Variants in NF1 observed in about 807,000 individuals in gnomAD.
NF1 encodes neurofibromin 1.
In NF1, 122 loss-of-function variants were observed where a neutral mutation model predicts 325.7. The ratio of observed to expected loss-of-function variants is 0.37; its 90% CI spans 0.32 to 0.44. The LOEUF (loss-of-function observed/expected upper bound fraction) is 0.44. NF1 is among the 20% of genes least tolerant of loss of function. NF1 has a pLI of 1.00. For missense variants in NF1, 2,140 were observed against 3,415.4 expected (o/e 0.63, Z 9.31); for synonymous variants, 1,091 against 1,186.0 (o/e 0.92, Z 1.65).
intron 35 of NF1, among the ~76,000 whole-genome samples, chr17:31,262,158 A>G (rs1597749367): frequency 6.6e-6 from 1 of 152,342 alleles, no homozygotes; most frequent in East Asian, 1.9e-4. Flanking sequence ...ATAGTTAAGG[A>G]AAATGCAACT....
intron 8 of NF1, among the ~76,000 whole-genome samples, chr17:31,196,360 G>T (rs1232869346): frequency 1.3e-5 from 2 of 151,976 alleles, no homozygotes; most frequent in Admixed American, 1.3e-4. Context: ...TAAAAAAACT[G>T]TAAAGTATTT....
At chr17:31,320,903 C>T (rs1185846496) in intron 36 of NF1, 3 of 159,300 alleles carry the variant, frequency 1.9e-5, no homozygotes, top group Non-Finnish European at 4.2e-5. Context: ...CACATTAGTT[C>T]ATTAACAGTG....
At chr17:31,218,054 T>A (rs578220241) in intron 13 of NF1, among the ~76,000 whole-genome samples, 2 of 152,320 alleles carry the variant, frequency 1.3e-5, no homozygotes, top group Admixed American at 1.3e-4. Context: ...TATCTGCCGA[T>A]GCAAATTCTA....
At chr17:31,228,805 T>C (rs1471396448) in intron 20 of NF1, among the ~76,000 whole-genome samples, 5 of 152,218 alleles carry the variant, frequency 3.3e-5, no homozygotes, top group African/African-American at 1.2e-4. Context: ...ATCAAAACTT[T>C]TTAAAAGAAA....
At chr17:31,251,369 G>A (rs1007572317) in intron 30 of NF1, 2 of 203,158 alleles carry the variant, frequency 9.8e-6, no homozygotes, top group Admixed American at 6.0e-5. Flanking sequence ...TCATATCTTG[G>A]CCTTTAAGCC....
chr17:31,285,069 A>G (rs1253667202), intron 36 of NF1, among the ~76,000 whole-genome samples: 3 of 152,094 alleles, frequency 2.0e-5, no homozygotes, highest in Non-Finnish European at 4.4e-5. Context: ...CAGTGAGCCA[A>G]GATAATGCCA....
chr17:31,312,107 A>G (rs528659582), intron 36 of NF1, among the ~76,000 whole-genome samples: 2 of 152,198 alleles, frequency 1.3e-5, no homozygotes, highest in South Asian at 2.1e-4. Flanking sequence ...ATGTTTCTCA[A>G]TTCAAACTTA....
chr17:31,226,288 A>G, intron 17 of NF1, 147 bp from the exon 18 acceptor site: 1 of 1,125,224 alleles, frequency 8.9e-7, no homozygotes, highest in Non-Finnish European at 1.2e-6. Context: ...TGATTAAAGG[A>G]AAAAGCTCTT....
At chr17:31,219,266 A>G in intron 14 of NF1, 148 bp downstream of exon 14, 3 of 758,772 alleles carry the variant, frequency 4.0e-6, no homozygotes, top group Non-Finnish European at 6.3e-6. Context: ...GTTTTATAAA[A>G]CTCCATGGAG....
chr17:31,195,565 C>T (rs2066421211), intron 8 of NF1, among the ~76,000 whole-genome samples: 1 of 152,096 alleles, frequency 6.6e-6, no homozygotes, highest in South Asian at 2.1e-4. Context: ...GGCAACCGTC[C>T]TTTTACTTTC....
chr17:31,256,612 C>G (rs1343220896), intron 31 of NF1, among the ~76,000 whole-genome samples: 6 of 152,172 alleles, frequency 3.9e-5, no homozygotes, highest in African/African-American at 1.4e-4. Context: ...AGGTTCAACA[C>G]CGTACTGGAA....
intron 5 of NF1, among the ~76,000 whole-genome samples, chr17:31,178,836 C>A (rs1470734377): frequency 6.6e-6 from 1 of 152,076 alleles, no homozygotes. Flanking sequence ...ATATATGCAC[C>A]CAATACAGGA....
At chr17:31,140,583 G>T (rs1415870328) in intron 1 of NF1, among the ~76,000 whole-genome samples, 1 of 152,152 alleles carries the variant, frequency 6.6e-6, no homozygotes, top group East Asian at 1.9e-4. Flanking sequence ...TATAGCTAGG[G>T]CAAGTCCCCC....
At chr17:31,263,129 TAAGATAAGATA>T (rs2067722724) in intron 35 of NF1, among the ~76,000 whole-genome samples, 1 of 100,908 alleles carries the variant, frequency 9.9e-6, no homozygotes, top group Non-Finnish European at 2.5e-5. Flanking sequence ...ATAGATAAGA[TAAGATAAGATA>T]AGATAGATAA....
chr17:31,175,962 G>A (rs1162419013), intron 5 of NF1, among the ~76,000 whole-genome samples: 1 of 152,178 alleles, frequency 6.6e-6, no homozygotes, highest in East Asian at 1.9e-4. Context: ...TTGCTGTTGT[G>A]AACAGTGCTG....
Position 31,181,801 on chromosome 17 carries a change from A to ATTTTTTTTTTTTTTTTTTTTT in NF1, c.730+32_730+33insTTTTTTTTTTTTTTTTTTTTT, listed in dbSNP as rs71142032. ...GATATGGCTGGTAAGGATACGATTG[A>ATTTTTTTTTTTTTTTTTTTTT]TTTTTTTTTTTTTTTTGTCTTTTAA... On this transcript the variant is annotated intron_variant, in intron 7 of 57. Coordinates refer to ENST00000358273, the MANE Select transcript of NF1 (RefSeq NM_001042492.3). 29 of 1,218,956 alleles carry ATTTTTTTTTTTTTTTTTTTTT rather than the reference A, an allele frequency of 2.4e-5. No individual in the cohort carries two copies. Among genetic ancestry groups the ATTTTTTTTTTTTTTTTTTTTT allele is most frequent in the Non-Finnish European group, 2.2e-5 (19 of 853,292 alleles). 75.5% of individuals were successfully genotyped at this position (1,218,956 alleles called of 1,614,324 possible). A position where few individuals can be genotyped will look rare whatever the true frequency, so the allele number is the denominator to read the frequency against.
chr17:31,095,468 C>G, intron 1 of NF1, 99 bp downstream of exon 1: 1 of 1,216,364 alleles, frequency 8.2e-7, no homozygotes. Flanking sequence ...GCGGCTGCCT[C>G]AGGCTCTGGA....
At chr17:31,339,438 C>A (rs764713247) in intron 46 of NF1, among the ~76,000 whole-genome samples, 3 of 152,038 alleles carry the variant, frequency 2.0e-5, no homozygotes, top group African/African-American at 7.2e-5. Flanking sequence ...GAAAAAGATT[C>A]GATAATGGCA....
intron 46 of NF1, 100 bp downstream of exon 46, chr17:31,338,905 G>A: frequency 1.2e-6 from 1 of 823,194 alleles, no homozygotes; most frequent in Admixed American, 2.0e-5. Context: ...TTGAGAATAA[G>A]TTATAAAGAA....
Sources: gnomAD v4.1 joint callset for allele counts (sites outside exome capture counted in the v4.1 genomes callset) on GRCh38, gnomAD v4.1.1 for gene constraint, MANE v1.5 for transcripts, NCBI Gene and HGNC (gene_info 2026-07-23, HGNC 2026-07-21) for gene names.